Variants in AQR observed in about 807,000 individuals in gnomAD.
AQR encodes the protein RNA helicase aquarius.
Under a neutral mutation model 180.5 loss-of-function variants are expected in AQR, and 61 were observed. That is an observed-to-expected ratio of 0.34 (90% confidence interval 0.28 to 0.42). AQR has a LOEUF of 0.42. Among genes scored for constraint, AQR ranks in the 10% least tolerant of loss-of-function variants. AQR has a pLI of 1.00. For synonymous variants in AQR, 551 were observed against 588.8 expected, an observed-to-expected ratio of 0.94 and a Z score of 0.93; for missense variants, 1,281 against 1,798.3, an observed-to-expected ratio of 0.71 and a Z score of 5.20.
At position 34,862,860 on chromosome 15, in the gene AQR, G is replaced by A. The variant is rs779631886; in HGVS notation, c.4029+7C>T. On this transcript the variant is annotated splice_region_variant and intron_variant, in intron 33 of 34. Transcript: ENST00000156471. Reference sequence around the variant, plus strand: ...GCTGTTTTATAAAATGAAGAAAGAAGTCCTACCTTTCTAGTAGTTGGGAAA... The same window carrying A: ...GCTGTTTTATAAAATGAAGAAAGAAATCCTACCTTTCTAGTAGTTGGGAAA... 1.2e-6 allele frequency: 2 copies of A among 1,612,918 alleles called. No individual in the cohort carries two copies. Among genetic ancestry groups the A allele is most frequent in the East Asian group, 2.2e-5 (1 of 44,848 alleles).
chr15:34,881,349 T>G (rs979320410), intron 27 of AQR, among the ~76,000 whole-genome samples: 13 of 152,226 alleles, frequency 8.5e-5, no homozygotes, highest in African/African-American at 2.9e-4. Context: ...TTGAATTTAT[T>G]TAGCGCCTAT....
chr15:34,863,572 A>G (rs1892700217), intron 32 of AQR, among the ~76,000 whole-genome samples: 2 of 152,202 alleles, frequency 1.3e-5, no homozygotes, highest in African/African-American at 4.8e-5. Flanking sequence ...GAAACTTCAG[A>G]TAAGGGACAG....
chr15:34,900,665 T>C lies in AQR; in HGVS notation c.2200A>G (p.Lys734Glu). The C allele has an allele frequency of 6.2e-7, 1 of 1,614,176 alleles. No homozygotes were observed. Residue 734 changes from lysine to glutamate, a missense_variant, in exon 20 of 35, where the codon AAA becomes GAA. This residue lies in a region of AQR where 112 missense variants were observed against 128.6 expected (regional missense o/e 0.87). Coordinates refer to ENST00000156471, the MANE Select transcript of AQR (RefSeq NM_014691.3). Reference protein sequence around the residue: ...LKASFPGHNVKVTVEDPALQI... With the variant: ...LKASFPGHNVEVTVEDPALQI... ...AGAGCAGGGTCTTCTACAGTTACTTTAACATTATGACCAGGGAAGCTGGCT... is the reference window on the plus strand; with the variant it reads ...AGAGCAGGGTCTTCTACAGTTACTTCAACATTATGACCAGGGAAGCTGGCT...
chr15:34,874,367 T>G lies in AQR; in HGVS notation c.3425+310A>C, dbSNP rs1892863091. On this transcript the variant is annotated intron_variant, in intron 29 of 34. Transcript: ENST00000156471. The stretch of plus-strand genomic sequence containing the variant: ...GTGTGTTCTCCTCTTGTTCACTTTA[T>G]TTTTAGATTTTAAAATTATATTAAC... 2.9e-5 allele frequency: 10 copies of G among 340,070 alleles called. 1 individual carries two copies. The South Asian group carries it at 3.6e-4, about 12-fold the overall frequency. 21.1% of individuals were successfully genotyped at this position (340,070 alleles called of 1,614,324 possible). A position where few individuals can be genotyped will look rare whatever the true frequency, so the allele number is the denominator to read the frequency against.
chr15:34,936,808 T>C (rs1893952099), intron 9 of AQR, among the ~76,000 whole-genome samples: 2 of 152,032 alleles, frequency 1.3e-5, no homozygotes, highest in African/African-American at 4.8e-5. Flanking sequence ...GCAGGCCCTA[T>C]GTTCTTGCTT....
chr15:34,919,618 T>C (rs1893652907), intron 14 of AQR, among the ~76,000 whole-genome samples: 1 of 152,040 alleles, frequency 6.6e-6, no homozygotes, highest in African/African-American at 2.4e-5. Flanking sequence ...TGAAAACAGG[T>C]TGGGCACGGT....
chr15:34,929,698 T>A (rs936015524), intron 12 of AQR, among the ~76,000 whole-genome samples: 1 of 152,192 alleles, frequency 6.6e-6, no homozygotes, highest in Non-Finnish European at 1.5e-5. Flanking sequence ...GAACTGAATC[T>A]TTACCCCCAA....
rs112013770 is a variant in AQR at position 34,954,585 on chromosome 15, G to A, written c.174-1665C>T. Among the ~76,000 whole-genome samples, 451 of 152,224 alleles carry A rather than the reference G, an allele frequency of 3.0e-3. 3 individuals carry two copies. The highest frequency in any genetic ancestry group is 0.014 in the Middle Eastern group (4 of 292). Reference sequence around the variant, plus strand: ...GCCTCCCAAAGTGCTGGGATTACAGGCATGAGCCACCATGCCTGGCCTTGA... The same window carrying A: ...GCCTCCCAAAGTGCTGGGATTACAGACATGAGCCACCATGCCTGGCCTTGA... On this transcript the variant is annotated intron_variant, in intron 3 of 34. Coordinates refer to ENST00000156471, the MANE Select transcript of AQR (RefSeq NM_014691.3).
chr15:34,906,769 G>A, intron 17 of AQR, 57 bp from the exon 18 acceptor site: 1 of 1,544,998 alleles, frequency 6.5e-7, no homozygotes, highest in Non-Finnish European at 8.8e-7. Flanking sequence ...TCAGTCTTTT[G>A]TAGGCAAATT....
intron 27 of AQR, among the ~76,000 whole-genome samples, chr15:34,880,740 A>G (rs1025421880): frequency 3.3e-5 from 5 of 152,162 alleles, no homozygotes; most frequent in Admixed American, 2.0e-4. Context: ...ACATGCATGA[A>G]TGTGTGTCTA....
At position 34,890,340 on chromosome 15, in the gene AQR, A is replaced by G; in HGVS notation, c.2572-16T>C. Reference sequence around the variant, plus strand: ...GGTTTAGGGCCTAGACAATAAAGCAAGAAGGGTGACGGCACCTTTAAACGT... The same window carrying G: ...GGTTTAGGGCCTAGACAATAAAGCAGGAAGGGTGACGGCACCTTTAAACGT... On this transcript the variant is annotated splice_polypyrimidine_tract_variant and intron_variant, in intron 23 of 34. Transcript: ENST00000156471. 6.2e-7 allele frequency: 1 copy of G among 1,604,170 alleles called. No individual in the cohort carries two copies. The highest frequency in any genetic ancestry group is 1.1e-5 in the South Asian group (1 of 88,954).
chr15:34,882,997 T>A (rs184591186), intron 26 of AQR, among the ~76,000 whole-genome samples: 174 of 152,246 alleles, frequency 1.1e-3, no homozygotes, highest in Admixed American at 1.8e-3. Flanking sequence ...ACTGGTTATA[T>A]AAGTGATAGA....
chr15:34,898,902 T>C (rs1237346152), intron 20 of AQR, among the ~76,000 whole-genome samples: 2 of 141,418 alleles, frequency 1.4e-5, no homozygotes, highest in Admixed American at 1.4e-4. Flanking sequence ...GCGCGGTGGC[T>C]CACGCCTGTA....
intron 28 of AQR, 42 bp from the exon 29 acceptor site, chr15:34,874,906 C>T: frequency 1.3e-6 from 2 of 1,545,638 alleles, no homozygotes. Context: ...ACTCTATTAT[C>T]CTCTTGTCTC....
At chr15:34,919,942 A>G (rs1350285588) in intron 14 of AQR, among the ~76,000 whole-genome samples, 2 of 152,088 alleles carry the variant, frequency 1.3e-5, no homozygotes, top group Non-Finnish European at 2.9e-5. Context: ...AAAAAAGAAG[A>G]AGAATTCCTG....
chr15:34,906,319 C>T (rs1893416357), intron 18 of AQR, among the ~76,000 whole-genome samples: 1 of 152,016 alleles, frequency 6.6e-6, no homozygotes, highest in Non-Finnish European at 1.5e-5. Flanking sequence ...TGCAGTGAGC[C>T]GAGATTGTGC....
chr15:34,864,066 C>T (rs1169957715), intron 32 of AQR, among the ~76,000 whole-genome samples: 8 of 152,086 alleles, frequency 5.3e-5, no homozygotes, highest in Admixed American at 5.2e-4. Flanking sequence ...CTGTAACATT[C>T]AGAGAGACAG....
Position 34,856,531 on chromosome 15 carries a change from T to G in AQR, c.*261A>C, listed in dbSNP as rs770347074. The G allele has an allele frequency of 2.2e-5, 9 of 416,642 alleles. No individual in the cohort carries two copies. Among genetic ancestry groups the G allele is most frequent in the Non-Finnish European group, 3.4e-5 (8 of 235,796 alleles). The allele number at this position is 416,642 out of a possible 1,614,324, so 25.8% of individuals were successfully genotyped here. On this transcript the variant is annotated 3_prime_UTR_variant, in exon 35 of 35. Coordinates refer to ENST00000156471, the MANE Select transcript of AQR (RefSeq NM_014691.3). ...ATATTCATAGAAAATGATTTTAATG[T>G]AGGTATGATTACAGACACACTCAGT...
At chr15:34,882,055 C>T (rs1477022107) in intron 27 of AQR, among the ~76,000 whole-genome samples, 2 of 152,298 alleles carry the variant, frequency 1.3e-5, no homozygotes, top group East Asian at 1.9e-4. Context: ...ATCTGCCCAC[C>T]TTGGCCTCCT....
Sources: allele counts gnomAD v4.1 joint callset (sites outside exome capture counted in the v4.1 genomes callset), GRCh38; gene constraint gnomAD v4.1.1; regional missense constraint gnomAD v4.1.1; transcripts MANE v1.5; gene names NCBI Gene and HGNC (gene_info 2026-07-23, HGNC 2026-07-21).